Variants in DENND1A observed in about 807,000 individuals in gnomAD.
DENND1A encodes DENN domain containing 1A, also known as DENN domain-containing protein 1A.
Under a neutral mutation model 113.7 loss-of-function variants are expected in DENND1A, and 51 were observed. The ratio of observed to expected loss-of-function variants is 0.45; its 90% CI spans 0.36 to 0.57. DENND1A has a LOEUF of 0.57. Among genes scored for constraint, DENND1A ranks in the 20% least tolerant of loss-of-function variants. DENND1A has a pLI of 0.00. For missense variants in DENND1A, 1,258 were observed against 1,395.9 expected, an observed-to-expected ratio of 0.90 and a Z score of 1.57; for synonymous variants, 565 against 570.8, an observed-to-expected ratio of 0.99 and a Z score of 0.14.
At chr9:123,639,275 C>CA (rs1312577233) in intron 9 of DENND1A, among the ~76,000 whole-genome samples, 1 of 150,826 alleles carries the variant, frequency 6.6e-6, no homozygotes, top group Non-Finnish European at 1.5e-5. Context: ...TTTTCTCTAC[C>CA]AAAAAATACA....
intron 21 of DENND1A, 117 bp downstream of exon 21, chr9:123,403,285 C>G: frequency 9.9e-7 from 1 of 1,011,026 alleles, no homozygotes; most frequent in Non-Finnish European, 1.5e-6. Context: ...GTGAAACACC[C>G]GCTGGGAGCC....
intron 13 of DENND1A, among the ~76,000 whole-genome samples, chr9:123,498,943 G>A (rs1485743041): frequency 6.6e-6 from 1 of 151,736 alleles, no homozygotes; most frequent in Non-Finnish European, 1.5e-5. Flanking sequence ...GGCTGGTCTT[G>A]AACTCCTGAC....
chr9:123,527,012 C>G (rs2054903371), intron 13 of DENND1A, among the ~76,000 whole-genome samples: 1 of 152,228 alleles, frequency 6.6e-6, no homozygotes. Flanking sequence ...GTCATCTTCC[C>G]TCCCAAACTG....
At chr9:123,901,175 A>G (rs1043093924) in intron 1 of DENND1A, among the ~76,000 whole-genome samples, 2 of 152,190 alleles carry the variant, frequency 1.3e-5, no homozygotes, top group Non-Finnish European at 2.9e-5. Flanking sequence ...CTCACCCTGG[A>G]TACTGTACAG....
rs1170487963 is a variant in DENND1A, at chr9:123,383,760, G to C, written c.1914C>G (p.Asn638Lys). Residue 638 changes from asparagine (N) to lysine (K), a missense_variant, in exon 23 of 24, where the codon AAC becomes AAG. Coordinates refer to ENST00000394215, the MANE Select transcript of DENND1A (RefSeq NM_001352964.2). ...SIDLLEDVFSNLDMEAALQPL... is the reference protein window; with the variant it reads ...SIDLLEDVFSKLDMEAALQPL... ...GCTGCAGTGCGGCCTCCATGTCCAG[G>C]TTGCTGAAGACGTCTTCCAGAAGGT... is the stretch of plus-strand genomic sequence containing the variant. 1.2e-6 allele frequency: 2 copies of C among 1,614,162 alleles called. No homozygotes were observed. The highest frequency in any genetic ancestry group is 1.7e-6 in the Non-Finnish European group (2 of 1,180,046).
chr9:123,431,330 G>A (rs1259039534), intron 19 of DENND1A, among the ~76,000 whole-genome samples: 1 of 152,108 alleles, frequency 6.6e-6, no homozygotes, highest in Non-Finnish European at 1.5e-5. Flanking sequence ...CCTACACCAG[G>A]TACAGGATAC....
At chr9:123,773,499 A>C (rs1242910283) in intron 3 of DENND1A, among the ~76,000 whole-genome samples, 1 of 152,196 alleles carries the variant, frequency 6.6e-6, no homozygotes, top group African/African-American at 2.4e-5. Flanking sequence ...AATATTATCC[A>C]TTATAGAATC....
chr9:123,460,795 C>G (rs1232738098), intron 13 of DENND1A, among the ~76,000 whole-genome samples: 2 of 152,246 alleles, frequency 1.3e-5, no homozygotes, highest in Non-Finnish European at 2.9e-5. Flanking sequence ...TTCTAAAATG[C>G]AAATTAGACC....
chr9:123,442,746 T>C (rs1164586917), intron 18 of DENND1A, among the ~76,000 whole-genome samples: 3 of 152,216 alleles, frequency 2.0e-5, no homozygotes, highest in African/African-American at 7.2e-5. Flanking sequence ...TAAGTAAAAA[T>C]ACTATCGTCT....
Position 123,763,619 on chromosome 9 carries a change from T to C in DENND1A, c.183-5797A>G, listed in dbSNP as rs2071225333. 3.9e-5 allele frequency among the ~76,000 whole-genome samples: 6 copies of C among 152,022 alleles called. No homozygotes were observed. The South Asian group carries it at 1.2e-3, about 32-fold the overall frequency. On this transcript the variant is annotated intron_variant, in intron 4 of 23. Transcript: ENST00000394215. ...TTTAACACCATGGTAAAGACTGGGA[T>C]CACTTAGGGAGGGAGTTCAGAGAAA...
chr9:123,781,798 G>A (rs912767447), intron 3 of DENND1A, among the ~76,000 whole-genome samples: 8 of 152,094 alleles, frequency 5.3e-5, no homozygotes, highest in Admixed American at 3.9e-4. Flanking sequence ...GGCCGAGCAC[G>A]GTGACTCATG....
At chr9:123,792,972 C>T (rs1418227158) in intron 2 of DENND1A, among the ~76,000 whole-genome samples, 2 of 152,158 alleles carry the variant, frequency 1.3e-5, no homozygotes, top group Non-Finnish European at 2.9e-5. Context: ...TAATCAGAAG[C>T]CTCCTTTGCA....
intron 6 of DENND1A, 71 bp downstream of exon 6, chr9:123,676,649 C>G: frequency 7.0e-7 from 1 of 1,430,520 alleles, no homozygotes; most frequent in South Asian, 1.2e-5. Flanking sequence ...AAATATAAGG[C>G]ATGTTTTACT....
intron 12 of DENND1A, among the ~76,000 whole-genome samples, chr9:123,580,158 T>A (rs1019270071): frequency 6.6e-5 from 10 of 152,204 alleles, no homozygotes; most frequent in Non-Finnish European, 1.3e-4. Flanking sequence ...GCCATAATAA[T>A]CCTCAGAGCA....
At chr9:123,583,876 G>A (rs1217691303) in intron 11 of DENND1A, among the ~76,000 whole-genome samples, 1 of 152,188 alleles carries the variant, frequency 6.6e-6, no homozygotes. Flanking sequence ...TACTGGCACA[G>A]TAATAGAAAA....
intron 18 of DENND1A, 56 bp downstream of exon 18, chr9:123,450,637 G>T: frequency 2.1e-6 from 3 of 1,437,792 alleles, no homozygotes; most frequent in Middle Eastern, 1.8e-4. Context: ...ATACTTTTTT[G>T]TGGCCATGCA....
In DENND1A at chr9:123,882,845, C is replaced by T. The variant is rs1432314121; in HGVS notation, c.18-3824G>A. 2.6e-5 allele frequency among the ~76,000 whole-genome samples: 4 copies of T among 152,158 alleles called. 1 individual carries two copies. In the South Asian group the frequency reaches 6.2e-4, roughly 24 times the overall value. ...AATACCTTTGAACTGTACACTTGAA[C>T]GTGGTTAAGATGGGAAGTCTTATGT... On this transcript the variant is annotated intron_variant, in intron 1 of 23. Coordinates refer to ENST00000394215, the MANE Select transcript of DENND1A (RefSeq NM_001352964.2).
chr9:123,596,876 T>C (rs2059718262), intron 11 of DENND1A, among the ~76,000 whole-genome samples: 1 of 152,280 alleles, frequency 6.6e-6, no homozygotes, highest in African/African-American at 2.4e-5. Context: ...TCTGTGCCTA[T>C]ATTTCATCAT....
At chr9:123,479,532 A>T (rs1308877755) in intron 13 of DENND1A, among the ~76,000 whole-genome samples, 1 of 152,216 alleles carries the variant, frequency 6.6e-6, no homozygotes, top group Non-Finnish European at 1.5e-5. Context: ...TGTAGTTTTC[A>T]GCCCGTTTGA....
Sources: gnomAD v4.1 joint callset for allele counts (sites outside exome capture counted in the v4.1 genomes callset) on GRCh38, gnomAD v4.1.1 for gene constraint, MANE v1.5 for transcripts, NCBI Gene and HGNC (gene_info 2026-07-23, HGNC 2026-07-21) for gene names.